Variants in NETO1 observed in about 807,000 individuals in gnomAD.
NETO1 encodes the protein neuropilin and tolloid-like protein 1.
In NETO1, 26 loss-of-function variants were observed where a neutral mutation model predicts 61.3. That is an observed-to-expected ratio of 0.42 (90% CI 0.31 to 0.59). The LOEUF is 0.59. NETO1 is among the 20% of genes least tolerant of loss of function. NETO1 has a pLI of 0.12. For missense variants in NETO1, 531 were observed against 662.8 expected (o/e 0.80, Z 2.18); for synonymous variants, 225 against 225.8 (o/e 1.00, Z 0.03).
chr18:72,867,344 G>A lies in NETO1; in HGVS notation c.-53C>T. 6.6e-7 allele frequency: 1 copy of A among 1,513,508 alleles called. No homozygotes were observed. Among genetic ancestry groups the A allele is most frequent in the Non-Finnish European group, 8.9e-7 (1 of 1,121,424 alleles). The allele number at this position is 1,513,508 out of a possible 1,614,324, so 93.8% of individuals were successfully genotyped here. A position where few individuals can be genotyped will look rare whatever the true frequency, so the allele number is the denominator to read the frequency against. On this transcript the variant is annotated 5_prime_UTR_variant, in exon 1 of 11. Transcript: ENST00000327305. ...GCTCCACTAATTCCATTTAGAGACG[G>A]GAAGACTTCCAGTGGCGGGGGGAGG...
intron 4 of NETO1, chr18:72,853,403 A>G (rs117211771): frequency 0.011 from 1,615 of 152,934 alleles, 13 homozygotes; most frequent in South Asian, 0.02. Context: ...ATAGTTAAAA[A>G]GACAACACAT....
intron 4 of NETO1, among the ~76,000 whole-genome samples, chr18:72,851,720 A>C (rs2145578940): frequency 6.6e-6 from 1 of 152,320 alleles, no homozygotes; most frequent in Non-Finnish European, 1.5e-5. Flanking sequence ...GGAGAAGATG[A>C]ATTTTAAAAT....
chr18:72,772,409 G>C (rs1458559151), intron 7 of NETO1, among the ~76,000 whole-genome samples: 1 of 151,938 alleles, frequency 6.6e-6, no homozygotes, highest in Non-Finnish European at 1.5e-5. Context: ...TCAAAGTCCA[G>C]AGTCTCCTTG....
chr18:72,780,897 C>T (rs948578813), intron 7 of NETO1, among the ~76,000 whole-genome samples: 3 of 152,152 alleles, frequency 2.0e-5, no homozygotes, highest in African/African-American at 7.2e-5. Flanking sequence ...AAAGAACAGA[C>T]TGTGCCTTTT....
chr18:72,748,464 T>C (rs1219094950), intron 10 of NETO1, among the ~76,000 whole-genome samples: 2 of 152,116 alleles, frequency 1.3e-5, no homozygotes, highest in Non-Finnish European at 2.9e-5. Flanking sequence ...TTTTATAGTA[T>C]AAAATTTGAC....
chr18:72,862,162 G>T (rs113368725), intron 3 of NETO1, among the ~76,000 whole-genome samples: 3,506 of 152,210 alleles, frequency 0.023, 107 homozygotes, highest in African/African-American at 0.072. Context: ...AGACACCGGG[G>T]TGCCACGGGC....
intron 1 of NETO1, 44 bp downstream of exon 1, chr18:72,867,220 G>A: frequency 6.8e-7 from 1 of 1,474,462 alleles, no homozygotes; most frequent in Non-Finnish European, 9.1e-7. Context: ...GGGGCGGGAG[G>A]GCTGGCTCCG....
intron 4 of NETO1, among the ~76,000 whole-genome samples, chr18:72,856,670 A>G (rs1253705428): frequency 6.6e-6 from 1 of 152,234 alleles, no homozygotes; most frequent in East Asian, 1.9e-4. Flanking sequence ...ACTGGAAGTC[A>G]GATCTAGTTT....
chr18:72,778,581 G>A (rs1479536747), intron 7 of NETO1, among the ~76,000 whole-genome samples: 2 of 152,042 alleles, frequency 1.3e-5, no homozygotes, highest in African/African-American at 4.8e-5. Flanking sequence ...ACACAATTCT[G>A]CCATATTCTT....
chr18:72,827,511 A>T (rs1380414259), intron 4 of NETO1, among the ~76,000 whole-genome samples: 7 of 152,148 alleles, frequency 4.6e-5, no homozygotes, highest in Admixed American at 4.6e-4. Flanking sequence ...ACAAGATTGC[A>T]AGAAACTGTC....
At chr18:72,787,249 A>T (rs1270443945) in intron 6 of NETO1, among the ~76,000 whole-genome samples, 2 of 151,502 alleles carry the variant, frequency 1.3e-5, no homozygotes, top group Non-Finnish European at 2.9e-5. Flanking sequence ...CTCAAAAAAG[A>T]TGCAATTATA....
chr18:72,856,056 G>C (rs2074402854), intron 4 of NETO1, among the ~76,000 whole-genome samples: 1 of 152,100 alleles, frequency 6.6e-6, no homozygotes, highest in Non-Finnish European at 1.5e-5. Flanking sequence ...TATAAATATT[G>C]TGTATATATG....
rs149007897 is a variant in NETO1 at position 72,787,467 on chromosome 18, T to C, written c.640-3561A>G. Among the ~76,000 whole-genome samples the C allele has an allele frequency of 6.1e-3, 924 of 152,262 alleles. 14 individuals are homozygous for C. The highest frequency in any genetic ancestry group is 0.021 in the African/African-American group (866 of 41,546). ...AAAAAAGCTATTAGACCACCTGATG[T>C]TTTCAAGTTGAAATGTTTCAGTGGC... On this transcript the variant is annotated intron_variant, in intron 6 of 10. Transcript: ENST00000327305.
chr18:72,742,817 C>T (rs2070363603), downstream of NETO1: 1 of 152,042 alleles, frequency 6.6e-6, no homozygotes, highest in South Asian at 2.1e-4. Context: ...CATAGAATTG[C>T]TAAGATGACC....
intron 3 of NETO1, among the ~76,000 whole-genome samples, chr18:72,861,216 T>C (rs2074562338): frequency 6.6e-6 from 1 of 152,234 alleles, no homozygotes; most frequent in South Asian, 2.1e-4. Context: ...TTATGGCTTT[T>C]GGTAGGCAAC....
chr18:72,865,232 C>T lies in NETO1; in HGVS notation c.38G>A (p.Ser13Asn), dbSNP rs754314919. The part of the protein sequence containing the change: ...HGRSVLHIVA[S>N]LIILHLSGAT... ...CCCAGACAAATGGAGGATGATTAAACTTGCTACAACTGAAACAGAAAAGAA... is the reference window on the plus strand; with the variant it reads ...CCCAGACAAATGGAGGATGATTAAATTTGCTACAACTGAAACAGAAAAGAA... The change falls in exon 2 of 11, where the codon AGT (serine) becomes AAT (asparagine). Residue 13 changes from serine (S) to asparagine (N), a missense_variant. Physicochemically the swap from Ser to Asn is conservative, Grantham distance 46. Coordinates refer to ENST00000327305, the MANE Select transcript of NETO1 (RefSeq NM_138966.5). 2.5e-6 allele frequency: 4 copies of T among 1,612,486 alleles called. No homozygotes were observed. The Admixed American group carries it at 6.7e-5, about 27-fold the overall frequency.
At chr18:72,853,002 T>G (rs1391774492) in intron 4 of NETO1, among the ~76,000 whole-genome samples, 1 of 151,622 alleles carries the variant, frequency 6.6e-6, no homozygotes, top group Non-Finnish European at 1.5e-5. Flanking sequence ...CCGACTAATT[T>G]TTTTGTATTT....
chr18:72,811,172 A>G (rs116001559), intron 4 of NETO1, among the ~76,000 whole-genome samples: 1 of 152,002 alleles, frequency 6.6e-6, no homozygotes, highest in South Asian at 2.1e-4. Context: ...TCCATCCTAC[A>G]GTCTTTGGCA....
chr18:72,829,433 A>G lies in NETO1; in HGVS notation c.469+29393T>C, dbSNP rs186423591. Among the ~76,000 whole-genome samples the G allele has an allele frequency of 2.2e-4, 33 of 152,326 alleles. No individual in the cohort carries two copies. The South Asian group carries it at 3.3e-3, about 15-fold the overall frequency. ...CTAATATACTCCAATCAGTTATTCA[A>G]TCTTATTATGATATTATGTATCATT... On this transcript the variant is annotated intron_variant, in intron 4 of 10. Coordinates refer to ENST00000327305, the MANE Select transcript of NETO1 (RefSeq NM_138966.5).
Sources: gnomAD v4.1 joint callset for allele counts (sites outside exome capture counted in the v4.1 genomes callset) on GRCh38, gnomAD v4.1.1 for gene constraint, MANE v1.5 for transcripts, NCBI Gene and HGNC (gene_info 2026-07-23, HGNC 2026-07-21) for gene names.